SRGAP2B: variants seen among roughly 807,000 people sequenced by gnomAD.
SRGAP2B encodes the protein SLIT-ROBO Rho GTPase-activating protein 2B.
Under a neutral mutation model 22.2 loss-of-function variants are expected in SRGAP2B, and 9 were observed. That is an observed-to-expected ratio of 0.41 (90% CI 0.24 to 0.71). SRGAP2B has a LOEUF of 0.71. Ranked by LOEUF, SRGAP2B falls within the 30% of genes least tolerant of loss-of-function variation. SRGAP2B has a pLI of 0.35. For synonymous variants in SRGAP2B, 36 were observed against 87.4 expected, an observed-to-expected ratio of 0.41 and a Z score of 3.28; for missense variants, 114 against 235.8, an observed-to-expected ratio of 0.48 and a Z score of 3.38.
At chr1:145,040,532 T>G (rs587632309) in intron 2 of SRGAP2B, among the ~76,000 whole-genome samples, 1 of 151,014 alleles carries the variant, frequency 6.6e-6, no homozygotes, top group East Asian at 2.0e-4. Flanking sequence ...CTGTTGAAAC[T>G]ACTCAACTCT....
In SRGAP2B at chr1:144,993,875, C is replaced by T. The variant is rs1553617961; in HGVS notation, c.260+1133G>A. On this transcript the variant is annotated intron_variant, in intron 3 of 9. Coordinates refer to ENST00000612199, the Ensembl canonical transcript of SRGAP2B. ...GAGAGAAACTGTAGACCAAGCTTGTCCAACCTACGGCCTGTGGGCTGCATG... is the reference window on the plus strand; with the variant it reads ...GAGAGAAACTGTAGACCAAGCTTGTTCAACCTACGGCCTGTGGGCTGCATG... 6.0e-5 allele frequency among the ~76,000 whole-genome samples: 9 copies of T among 150,178 alleles called. 1 individual carries two copies. In the East Asian group the frequency reaches 9.7e-4, roughly 16 times the overall value.
intron 3 of SRGAP2B, among the ~76,000 whole-genome samples, chr1:144,970,566 G>T (rs1668432430): frequency 8.2e-6 from 1 of 121,522 alleles, no homozygotes; most frequent in African/African-American, 3.3e-5. Context: ...GTTAGTGGGT[G>T]CAGCGCACCA....
At chr1:144,961,493 GTTAA>G in intron 3 of SRGAP2B, among the ~76,000 whole-genome samples, 1 of 149,218 alleles carries the variant, frequency 6.7e-6, no homozygotes, top group Non-Finnish European at 1.5e-5. Flanking sequence ...AACTTAAAGA[GTTAA>G]ATACATCATT....
chr1:145,084,106 T>A (rs1653160976), intron 2 of SRGAP2B, among the ~76,000 whole-genome samples: 2 of 136,746 alleles, frequency 1.5e-5, no homozygotes, highest in East Asian at 2.1e-4. Flanking sequence ...GGAGTTTCAC[T>A]CTTGTTGCCC....
chr1:144,899,716 C>T (rs1346399731), intron 7 of SRGAP2B, among the ~76,000 whole-genome samples: 7 of 149,308 alleles, frequency 4.7e-5, no homozygotes, highest in African/African-American at 1.8e-4. Flanking sequence ...ACCAGCCACA[C>T]AGGTTGTTGT....
In SRGAP2B at chr1:145,015,573, A is replaced by G. The variant is rs1308510792; in HGVS notation, c.68-20373T>C. ...TCGGGGAAAAAGACGATGCTGTAGG[A>G]GTATACAGAAATTGGTCTAGGGCTC... On this transcript the variant is annotated intron_variant, in intron 2 of 9. Transcript: ENST00000612199. Among the ~76,000 whole-genome samples, 2 of 149,252 alleles carry G rather than the reference A, an allele frequency of 1.3e-5. 1 individual carries two copies. Among genetic ancestry groups the G allele is most frequent in the Admixed American group, 1.3e-4 (2 of 15,000 alleles).
At chr1:144,939,905 G>A (rs1665896104) in intron 4 of SRGAP2B, among the ~76,000 whole-genome samples, 2 of 150,116 alleles carry the variant, frequency 1.3e-5, no homozygotes, top group South Asian at 2.1e-4. Context: ...CAGATGGCTT[G>A]GATTATCTTG....
chr1:144,979,139 T>C (rs1298612367), intron 3 of SRGAP2B, among the ~76,000 whole-genome samples: 2 of 151,016 alleles, frequency 1.3e-5, no homozygotes, highest in Non-Finnish European at 3.0e-5. Flanking sequence ...GCCTCCTGGG[T>C]TCACACCATT....
intron 4 of SRGAP2B, among the ~76,000 whole-genome samples, chr1:144,942,578 C>T (rs1666133829): frequency 6.6e-6 from 1 of 150,498 alleles, no homozygotes; most frequent in South Asian, 2.1e-4. Context: ...CACCACGACG[C>T]CTGGCTAATT....
At chr1:144,994,567 T>TGAGAGAGAGAGA (rs56165682) in intron 3 of SRGAP2B, among the ~76,000 whole-genome samples, 1 of 122,428 alleles carries the variant, frequency 8.2e-6, no homozygotes, top group East Asian at 2.4e-4. Context: ...TGTGTGTGTG[T>TGAGAGAGAGAGA]GAGAGAGAGA....
intron 3 of SRGAP2B, among the ~76,000 whole-genome samples, chr1:144,971,864 G>A (rs1197292623): frequency 2.0e-5 from 3 of 150,760 alleles, no homozygotes; most frequent in Non-Finnish European, 4.4e-5. Flanking sequence ...TGGTGGAGCA[G>A]GGCAAGAATC....
intron 4 of SRGAP2B, among the ~76,000 whole-genome samples, chr1:144,931,652 C>T (rs1367861137): frequency 1.3e-5 from 2 of 150,700 alleles, no homozygotes; most frequent in Non-Finnish European, 2.9e-5. Context: ...CTTTAAATCC[C>T]ATTTGCTACA....
intron 4 of SRGAP2B, among the ~76,000 whole-genome samples, chr1:144,922,534 ACAAAACTCC>A (rs1664329483): frequency 6.7e-6 from 1 of 150,210 alleles, no homozygotes; most frequent in African/African-American, 2.5e-5. Context: ...AAACAAAAAA[ACAAAACTCC>A]CAAAACGAAA....
At chr1:144,995,073 G>A (rs1553618219) in exon 3 of SRGAP2B, 13 of 1,540,254 alleles carry the variant, frequency 8.4e-6, no homozygotes, top group African/African-American at 1.4e-5. Flanking sequence ...TCTCCAGGTT[G>A]CGGGAGTAGT....
intron 4 of SRGAP2B, among the ~76,000 whole-genome samples, chr1:144,927,018 C>T (rs587598307): frequency 2.0e-5 from 3 of 151,702 alleles, no homozygotes; most frequent in East Asian, 1.9e-4. Flanking sequence ...GGCATGATCT[C>T]GTTTCACTGC....
chr1:145,012,029 G>A (rs587624153), intron 2 of SRGAP2B, among the ~76,000 whole-genome samples: 3 of 151,162 alleles, frequency 2.0e-5, no homozygotes, highest in South Asian at 2.1e-4. Flanking sequence ...CCACAGTCAC[G>A]TGGTTAGCTC....
chr1:144,962,851 T>C (rs587677651), intron 3 of SRGAP2B, among the ~76,000 whole-genome samples: 3 of 151,742 alleles, frequency 2.0e-5, no homozygotes, highest in Non-Finnish European at 2.9e-5. Context: ...GAGCCTCCTA[T>C]TATGGGCTAG....
At chr1:145,093,571 C>T (rs1387356383) in intron 1 of SRGAP2B, 128 bp from the exon 2 acceptor site, 1 of 125,534 alleles carries the variant, frequency 8.0e-6, no homozygotes, top group Non-Finnish European at 1.6e-5. Context: ...AACGTCTCCC[C>T]GCCCGCAGAG....
chr1:144,952,429 G>A (rs1214892099), intron 4 of SRGAP2B, among the ~76,000 whole-genome samples: 3 of 148,746 alleles, frequency 2.0e-5, no homozygotes, highest in African/African-American at 5.1e-5. Flanking sequence ...CTGGGGTGTG[G>A]TATGAAGAAT....
Sources: gnomAD v4.1 joint callset for allele counts (sites outside exome capture counted in the v4.1 genomes callset) on GRCh38, gnomAD v4.1.1 for gene constraint, MANE v1.5 for transcripts, NCBI Gene and HGNC (gene_info 2026-07-23, HGNC 2026-07-21) for gene names.